XPO1: variants seen among roughly 807,000 people sequenced by gnomAD.
The protein encoded by XPO1 is exportin 1, also known as exportin-1.
In XPO1, 5 loss-of-function variants were observed where a neutral mutation model predicts 133.3. The observed-to-expected ratio is 0.04, with a 90% CI of 0.02 to 0.08. The LOEUF (loss-of-function observed/expected upper bound fraction) is 0.08. Among genes scored for constraint, XPO1 ranks in the 10% least tolerant of loss-of-function variants. XPO1 has a pLI of 1.00. For synonymous variants in XPO1, 419 were observed against 408.2 expected (o/e 1.03, Z -0.32); for missense variants, 506 against 1,267.5 (o/e 0.40, Z 9.12).
Position 61,496,944 on chromosome 2 carries a change from T to A in XPO1, c.823A>T (p.Ser275Cys). 1 of 1,613,562 alleles carries A rather than the reference T, an allele frequency of 6.2e-7. No homozygotes were observed. The change falls in exon 10 of 25, where the codon AGT becomes TGT. Residue 275 changes from serine (S) to cysteine (C), a missense_variant. Ser to Cys is a moderately radical substitution (Grantham distance 112). Coordinates refer to ENST00000401558, the MANE Select transcript of XPO1 (RefSeq NM_003400.4). ...AATTGTTCTTCATATTGGCTTACAC[T>A]CACACCAGCAATCTCAGTGAGGCAC... ...LKCLTEIAGVSVSQYEEQFVT... is the reference protein window; with the variant it reads ...LKCLTEIAGVCVSQYEEQFVT...
chr2:61,479,096 A>C (rs1696198887), intron 24 of XPO1, 130 bp from the exon 25 acceptor site: 3 of 1,056,520 alleles, frequency 2.8e-6, no homozygotes, highest in Non-Finnish European at 4.0e-6. Context: ...TGGGTTTTAA[A>C]TTATAGGATA....
chr2:61,513,497 G>T (rs938024552), intron 4 of XPO1, among the ~76,000 whole-genome samples: 7 of 149,062 alleles, frequency 4.7e-5, no homozygotes, highest in Non-Finnish European at 1.0e-4. Flanking sequence ...GCTAATTTTT[G>T]TATCTTTAGT....
chr2:61,493,220 C>G, intron 12 of XPO1, 167 bp from the exon 13 acceptor site: 5 of 578,030 alleles, frequency 8.7e-6, no homozygotes, highest in Non-Finnish European at 1.4e-5. Flanking sequence ...GCAAAAAGAA[C>G]TGTTGTGGCC....
intron 4 of XPO1, among the ~76,000 whole-genome samples, chr2:61,506,673 T>A (rs550341150): frequency 6.7e-6 from 1 of 148,236 alleles, no homozygotes; most frequent in African/African-American, 2.5e-5. Context: ...GGCGACAGAG[T>A]GAGACTCCAC....
chr2:61,493,772 T>C, intron 12 of XPO1, 122 bp downstream of exon 12: 1 of 1,045,116 alleles, frequency 9.6e-7, no homozygotes, highest in Non-Finnish European at 1.4e-6. Context: ...TCCACACTCA[T>C]GGAGAAGTTG....
At chr2:61,494,356 A>G in intron 11 of XPO1, 1 of 340,034 alleles carries the variant, frequency 2.9e-6, no homozygotes, top group Non-Finnish European at 5.5e-6. Context: ...TTTATTTAAA[A>G]GGCCTTGGGT....
chr2:61,520,184 A>G (rs1698621549), intron 4 of XPO1, among the ~76,000 whole-genome samples: 1 of 152,242 alleles, frequency 6.6e-6, no homozygotes. Flanking sequence ...GAATACCTTT[A>G]AAAGACAGGA....
intron 1 of XPO1, among the ~76,000 whole-genome samples, chr2:61,535,811 G>C (rs1699334623): frequency 6.6e-6 from 1 of 152,008 alleles, no homozygotes; most frequent in Non-Finnish European, 1.5e-5. Context: ...AAAACCTTAA[G>C]ATCTAAATAC....
chr2:61,527,962 T>G (rs1176829218), intron 2 of XPO1, among the ~76,000 whole-genome samples: 2 of 151,760 alleles, frequency 1.3e-5, no homozygotes, highest in Non-Finnish European at 1.5e-5. Flanking sequence ...AGTCTTGCTC[T>G]GTCACCCAGG....
chr2:61,526,179 AAAAC>A (rs1443994491), intron 3 of XPO1: 2 of 1,305,296 alleles, frequency 1.5e-6, no homozygotes, highest in Non-Finnish European at 1.9e-6. Flanking sequence ...TAAAAAGAAA[AAAAC>A]AAAATCAGAC....
At chr2:61,517,928 A>C (rs1698475837) in intron 4 of XPO1, among the ~76,000 whole-genome samples, 1 of 152,052 alleles carries the variant, frequency 6.6e-6, no homozygotes. Context: ...GGAGTTCGAG[A>C]CCAGCCTGGT....
intron 23 of XPO1, 54 bp from the exon 24 acceptor site, chr2:61,481,335 A>AGTATT: frequency 1.4e-6 from 2 of 1,396,652 alleles, no homozygotes; most frequent in Non-Finnish European, 2.0e-6. Flanking sequence ...CCCGAGACAG[A>AGTATT]GTATTGCTCT....
Position 61,533,816 on chromosome 2 carries a change from A to G in XPO1, c.82T>C (p.Leu28=), listed in dbSNP as rs1475518924. The change falls in exon 2 of 25, where the codon TTA becomes CTA. Residue 28 remains leucine, a synonymous_variant. Coordinates refer to ENST00000401558, the MANE Select transcript of XPO1 (RefSeq NM_003400.4). ...DFSQKLDINL[L]DNVVNCLYHG... ...TATAAGCAATTCACCACATTATCTA[A>G]TAAGTTGATATCCAGTTTTTGGCTG... 15 of 1,608,856 alleles carry G rather than the reference A, an allele frequency of 9.3e-6. No homozygotes were observed. Among genetic ancestry groups the G allele is most frequent in the Middle Eastern group, 1.6e-4 (1 of 6,072 alleles).
intron 1 of XPO1, 44 bp from the exon 2 acceptor site, chr2:61,533,947 G>A (rs1699262985): frequency 1.4e-6 from 2 of 1,414,672 alleles, no homozygotes. Context: ...TCAAGTTTTG[G>A]TATTATCAAA....
In XPO1 at chr2:61,493,035, T is replaced by C; in HGVS notation, c.1264A>G (p.Ser422Gly). 1.3e-6 allele frequency: 2 copies of C among 1,599,358 alleles called. No individual in the cohort carries two copies. Among genetic ancestry groups the C allele is most frequent in the Non-Finnish European group, 1.7e-6 (2 of 1,176,750 alleles). ...ACTTCCTCTGGTTTAGCCATTCGAC[T>C]AACCATTAATAAACGGACCTATACT... ...MLFKVRLLMVSRMAKPEEVLV... is the reference protein window; with the variant it reads ...MLFKVRLLMVGRMAKPEEVLV... The change falls in exon 13 of 25, where the codon AGT becomes GGT. Residue 422 changes from serine to glycine, a missense_variant. Around this residue, in one of 6 missense-constraint regions of XPO1, gnomAD observed 134 missense variants for 261.6 expected, o/e 0.51. Transcript: ENST00000401558.
Position 61,492,191 on chromosome 2 carries a change from A to G in XPO1, c.1731T>C (p.His577=), listed in dbSNP as rs1341849707. 4.3e-6 allele frequency: 7 copies of G among 1,614,064 alleles called. No individual in the cohort carries two copies. In the Admixed American group the frequency reaches 8.3e-5, roughly 19 times the overall value. ...CACAAGCCATATCCTGGACTCCATC[A>G]TGGGTCTCTAACAAGACAAAAATAT... ...NKLFEFMHET[H]DGVQDMACDT... is the part of the protein sequence containing the mutation. Residue 577 remains histidine, a synonymous_variant, in exon 16 of 25, where the codon CAT becomes CAC. Transcript: ENST00000401558. This position sits in a 1 kb window ranked among gnomAD's most constrained non-coding sequence, Gnocchi z 5.6.
intron 4 of XPO1, among the ~76,000 whole-genome samples, chr2:61,521,002 A>T (rs1698665175): frequency 6.6e-6 from 1 of 152,236 alleles, no homozygotes; most frequent in East Asian, 1.9e-4. Flanking sequence ...CTTGGACCAC[A>T]TAGTCAAATT....
intron 2 of XPO1, among the ~76,000 whole-genome samples, chr2:61,531,944 G>A (rs766631543): frequency 3.3e-5 from 5 of 152,042 alleles, no homozygotes; most frequent in Admixed American, 1.3e-4. Context: ...TACTTTTAGC[G>A]TTTCCATGGA....
intron 16 of XPO1, among the ~76,000 whole-genome samples, chr2:61,491,051 G>A (rs1216680636): frequency 6.6e-6 from 1 of 151,780 alleles, no homozygotes; most frequent in African/African-American, 2.4e-5. Context: ...CAGTTACTTG[G>A]GAGGTTTGAA....
Sources: gnomAD v4.1 joint callset for allele counts (sites outside exome capture counted in the v4.1 genomes callset) on GRCh38, gnomAD v4.1.1 for gene constraint, gnomAD v4.1.1 regional missense constraint, Gnocchi (gnomAD v3.1) non-coding constraint, MANE v1.5 for transcripts, NCBI Gene and HGNC (gene_info 2026-07-23, HGNC 2026-07-21) for gene names.